KLF12: variants seen among roughly 807,000 people sequenced by gnomAD.
KLF12 encodes the protein Krueppel-like factor 12.
A neutral mutation model predicts 37.8 loss-of-function variants in KLF12; 9 were observed. The ratio of observed to expected loss-of-function variants is 0.24; its 90% CI spans 0.14 to 0.42. The LOEUF (loss-of-function observed/expected upper bound fraction) is 0.42. Among genes scored for constraint, KLF12 ranks in the 10% least tolerant of loss-of-function variants. The pLI, the probability that KLF12 is intolerant of heterozygous loss-of-function variation, is 1.00. For synonymous variants in KLF12, 208 were observed against 202.1 expected (o/e 1.03, Z -0.25); for missense variants, 411 against 516.0 (o/e 0.80, Z 1.97).
At chr13:73,783,123 A>G (rs1477877216) in intron 5 of KLF12, among the ~76,000 whole-genome samples, 4 of 152,238 alleles carry the variant, frequency 2.6e-5, no homozygotes, top group South Asian at 2.1e-4. Context: ...TAAGGGTTGA[A>G]GGGCTTACAT....
At chr13:74,279,428 T>A in the KLF12 span, among the ~76,000 whole-genome samples, 11 of 152,268 alleles carry the variant, frequency 7.2e-5, no homozygotes, top group East Asian at 1.9e-3. Flanking sequence ...CAAAGTGTGG[T>A]TTAACTTTTG....
the KLF12 span, among the ~76,000 whole-genome samples, chr13:74,177,670 G>A: frequency 5.9e-5 from 9 of 152,182 alleles, no homozygotes; most frequent in Non-Finnish European, 1.2e-4. Context: ...AAGCCTGAAA[G>A]TAAAAAGAAT....
At chr13:74,071,766 AT>A (rs1359561783) in intron 1 of KLF12, among the ~76,000 whole-genome samples, 1 of 152,206 alleles carries the variant, frequency 6.6e-6, no homozygotes, top group East Asian at 1.9e-4. Flanking sequence ...GCTTAAAGAA[AT>A]TAAGATACGA....
At chr13:73,750,076 C>T (rs1159383325) in intron 6 of KLF12, among the ~76,000 whole-genome samples, 1 of 152,168 alleles carries the variant, frequency 6.6e-6, no homozygotes, top group African/African-American at 2.4e-5. Context: ...CATTATTCTT[C>T]AAACATTTTG....
intron 3 of KLF12, among the ~76,000 whole-genome samples, chr13:73,880,936 G>T (rs1274094268): frequency 2.0e-5 from 3 of 152,138 alleles, no homozygotes; most frequent in Non-Finnish European, 4.4e-5. Flanking sequence ...TATTGCATTA[G>T]AAAATAAAAC....
At chr13:74,135,117 G>A (rs1468888558), upstream of KLF12, among the ~76,000 whole-genome samples, 1 of 151,820 alleles carries the variant, frequency 6.6e-6, no homozygotes, top group East Asian at 2.0e-4. Flanking sequence ...GGGTTCCGGA[G>A]CGACGCACGT....
intron 6 of KLF12, among the ~76,000 whole-genome samples, chr13:73,733,012 T>C (rs146342412): frequency 5.9e-4 from 90 of 152,236 alleles, no homozygotes; most frequent in African/African-American, 2.1e-3. Flanking sequence ...CTAAAACGTA[T>C]CTCAAATTTG....
chr13:74,165,627 T>C, the KLF12 span, among the ~76,000 whole-genome samples: 1 of 152,252 alleles, frequency 6.6e-6, no homozygotes, highest in South Asian at 2.1e-4. Context: ...ACTTGTTCCG[T>C]GGTTGCAAGA....
At chr13:73,781,308 T>C (rs774525252) in intron 5 of KLF12, among the ~76,000 whole-genome samples, 65 of 152,268 alleles carry the variant, frequency 4.3e-4, no homozygotes, top group Non-Finnish European at 8.7e-4. Context: ...GTGGCTTGCC[T>C]TGTGATATTC....
At chr13:73,932,574 G>T (rs1057031473) in intron 3 of KLF12, among the ~76,000 whole-genome samples, 2 of 152,116 alleles carry the variant, frequency 1.3e-5, no homozygotes, top group African/African-American at 4.8e-5. Context: ...CTAATATGTG[G>T]TGTCAGTTCT....
chr13:74,200,788 C>T, the KLF12 span, among the ~76,000 whole-genome samples: 10 of 152,080 alleles, frequency 6.6e-5, no homozygotes, highest in Non-Finnish European at 1.0e-4. Flanking sequence ...AAAAACTGAG[C>T]GAATGGCCCT....
At chr13:74,067,101 C>T (rs1873962201) in intron 1 of KLF12, among the ~76,000 whole-genome samples, 1 of 152,142 alleles carries the variant, frequency 6.6e-6, no homozygotes. Flanking sequence ...CAAAGTTTAG[C>T]AGGTCAAGTA....
the KLF12 span, among the ~76,000 whole-genome samples, chr13:74,167,970 T>A: frequency 6.6e-6 from 1 of 152,224 alleles, no homozygotes; most frequent in African/African-American, 2.4e-5. Context: ...TTGGCTAAAA[T>A]CCTTATATTG....
At chr13:73,715,710 G>A (rs1453799843) in intron 6 of KLF12, among the ~76,000 whole-genome samples, 185 bp from the exon 7 acceptor site, 1 of 152,144 alleles carries the variant, frequency 6.6e-6, no homozygotes, top group Non-Finnish European at 1.5e-5. Flanking sequence ...GGCAGCATGA[G>A]TTATTTCCGG....
intron 1 of KLF12, among the ~76,000 whole-genome samples, chr13:74,086,055 G>C (rs1333636444): frequency 5.1e-5 from 2 of 39,446 alleles, no homozygotes; most frequent in Non-Finnish European, 9.3e-5. Flanking sequence ...TATTTTAAAA[G>C]TGGTTTAAAC....
At chr13:74,050,386 A>G (rs938048652) in intron 1 of KLF12, among the ~76,000 whole-genome samples, 2 of 152,224 alleles carry the variant, frequency 1.3e-5, no homozygotes, top group African/African-American at 4.8e-5. Context: ...AGAAAGGATG[A>G]TATGCTTAGC....
At position 73,764,736 on chromosome 13, in the gene KLF12, T is replaced by C. The variant is rs543134435; in HGVS notation, c.869+202A>G. On this transcript the variant is annotated intron_variant, in intron 6 of 7. Transcript: ENST00000377669. ...AAAAAAAAAGTTACACTCAGGGTTTTTGGTGAATGAAGAGTTTGGGCTGGA... is the reference window on the plus strand; with the variant it reads ...AAAAAAAAAGTTACACTCAGGGTTTCTGGTGAATGAAGAGTTTGGGCTGGA... Among the ~76,000 whole-genome samples the C allele has an allele frequency of 2.0e-5, 3 of 152,262 alleles. No individual in the cohort carries two copies. In the South Asian group the frequency reaches 6.2e-4, roughly 32 times the overall value.
chr13:74,160,967 A>G, the KLF12 span, among the ~76,000 whole-genome samples: 2 of 152,162 alleles, frequency 1.3e-5, no homozygotes, highest in African/African-American at 2.4e-5. Context: ...AGGTGGGAAC[A>G]CTGGAGACCT....
At chr13:73,834,791 C>T (rs1428253905) in intron 4 of KLF12, among the ~76,000 whole-genome samples, 3 of 152,198 alleles carry the variant, frequency 2.0e-5, no homozygotes, top group Admixed American at 6.5e-5. Context: ...AAATTACAGG[C>T]GTGAGCCACT....
Sources: gnomAD v4.1 joint callset for allele counts (sites outside exome capture counted in the v4.1 genomes callset) on GRCh38, gnomAD v4.1.1 for gene constraint, MANE v1.5 for transcripts, NCBI Gene and HGNC (gene_info 2026-07-23, HGNC 2026-07-21) for gene names.